CTNNBL1: variants seen among roughly 807,000 people sequenced by gnomAD.
CTNNBL1 encodes beta-catenin-like protein 1.
In CTNNBL1, 31 loss-of-function variants were observed where a neutral mutation model predicts 72.7. That is an observed-to-expected ratio of 0.43 (90% CI 0.32 to 0.58). The LOEUF is 0.58. Ranked by LOEUF, CTNNBL1 falls within the 20% of genes least tolerant of loss-of-function variation. The pLI is 0.08. For synonymous variants in CTNNBL1, 240 were observed against 267.3 expected (o/e 0.90, Z 1.00); for missense variants, 534 against 725.1 (o/e 0.74, Z 3.03).
chr20:37,737,114 C>G (rs933669440), intron 2 of CTNNBL1, among the ~76,000 whole-genome samples: 3 of 152,104 alleles, frequency 2.0e-5, no homozygotes, highest in Admixed American at 6.5e-5. Context: ...GTCCCAGCTA[C>G]TCGGTAAGCT....
chr20:37,724,878 G>T (rs2073069706), intron 1 of CTNNBL1, among the ~76,000 whole-genome samples: 1 of 151,238 alleles, frequency 6.6e-6, no homozygotes, highest in Admixed American at 6.6e-5. Flanking sequence ...ACCAAAAAAT[G>T]GAAGTCCGAG....
At chr20:37,773,073 A>AT (rs2073539707) in intron 7 of CTNNBL1, among the ~76,000 whole-genome samples, 1 of 152,246 alleles carries the variant, frequency 6.6e-6, no homozygotes, top group Admixed American at 6.5e-5. Context: ...TATTGAAAAT[A>AT]ACAGCAAAAC....
intron 10 of CTNNBL1, among the ~76,000 whole-genome samples, chr20:37,791,641 A>C (rs2073726800): frequency 6.6e-6 from 1 of 152,210 alleles, no homozygotes; most frequent in Non-Finnish European, 1.5e-5. Flanking sequence ...TGCACAGCAG[A>C]AGGTGAGCGG....
chr20:37,704,061 G>A (rs1263086608), intron 1 of CTNNBL1, among the ~76,000 whole-genome samples: 1 of 152,198 alleles, frequency 6.6e-6, no homozygotes, highest in East Asian at 1.9e-4. Context: ...ACAGGCATGA[G>A]CCACCGTGCC....
At chr20:37,745,163 A>C (rs1331493032) in intron 3 of CTNNBL1, among the ~76,000 whole-genome samples, 1 of 152,220 alleles carries the variant, frequency 6.6e-6, no homozygotes, top group African/African-American at 2.4e-5. Context: ...CAGTAATAGA[A>C]ATTGTCTAAA....
In CTNNBL1 at chr20:37,842,426, AT is replaced by A. The variant is rs973876081; in HGVS notation, c.1392+8del. Reference sequence around the variant, plus strand: ...GATTGAAGGGGAAAAACACGTATGTATCCCTGCCTCACTTTTGCCAGCTATT... The same window carrying A: ...GATTGAAGGGGAAAAACACGTATGTACCCTGCCTCACTTTTGCCAGCTATT... On this transcript the variant is annotated splice_region_variant and intron_variant, in intron 13 of 15. Transcript: ENST00000361383. 7.5e-6 allele frequency: 12 copies of A among 1,607,742 alleles called. No individual in the cohort carries two copies. The highest frequency in any genetic ancestry group is 1.7e-4 in the Middle Eastern group (1 of 6,036).
chr20:37,749,237 A>G (rs1440145310), intron 4 of CTNNBL1, among the ~76,000 whole-genome samples: 2 of 152,204 alleles, frequency 1.3e-5, no homozygotes, highest in South Asian at 2.1e-4. Context: ...GTATATTATT[A>G]GTACAGAAAT....
intron 3 of CTNNBL1, among the ~76,000 whole-genome samples, chr20:37,740,945 T>TC (rs1397568044): frequency 6.6e-6 from 1 of 152,240 alleles, no homozygotes; most frequent in Non-Finnish European, 1.5e-5. Context: ...AGCATCATGT[T>TC]CCCCCAGCAG....
chr20:37,810,474 C>G (rs1326887353), intron 11 of CTNNBL1, among the ~76,000 whole-genome samples: 2 of 152,168 alleles, frequency 1.3e-5, no homozygotes, highest in Non-Finnish European at 2.9e-5. Context: ...CTCTCAACAC[C>G]ATAACATTGT....
chr20:37,812,219 G>A (rs892938917), intron 11 of CTNNBL1, among the ~76,000 whole-genome samples: 6 of 152,186 alleles, frequency 3.9e-5, no homozygotes, highest in African/African-American at 1.4e-4. Context: ...GATCATGAGT[G>A]TCTGACGTAG....
chr20:37,837,181 G>A (rs149520960), intron 11 of CTNNBL1, among the ~76,000 whole-genome samples: 14 of 152,206 alleles, frequency 9.2e-5, no homozygotes, highest in Middle Eastern at 3.4e-3. Context: ...CTTCACAGAC[G>A]TTCCTTTCTT....
At position 37,741,849 on chromosome 20, in the gene CTNNBL1, C is replaced by T. The variant is rs1348615250; in HGVS notation, c.326+4365C>T. Among the ~76,000 whole-genome samples, 6 of 152,164 alleles carry T rather than the reference C, an allele frequency of 3.9e-5. No individual in the cohort carries two copies. In the South Asian group the frequency reaches 1.0e-3, roughly 26 times the overall value. ...ATTTCCCTGCTTGCAGTTTTATTCT[C>T]TGCTTGTTTGTTTTATTTTGATAAT... On this transcript the variant is annotated intron_variant, in intron 3 of 15. Coordinates refer to ENST00000361383, the MANE Select transcript of CTNNBL1 (RefSeq NM_030877.5).
intron 10 of CTNNBL1, among the ~76,000 whole-genome samples, chr20:37,783,505 G>A (rs238305): frequency 0.69 from 105,566 of 151,982 alleles, 36,731 homozygotes; most frequent in East Asian, 0.84. Flanking sequence ...TTATTGCTAT[G>A]AACTTTCCTC....
chr20:37,743,744 G>A (rs1186828109), intron 3 of CTNNBL1, among the ~76,000 whole-genome samples: 4 of 152,114 alleles, frequency 2.6e-5, no homozygotes, highest in African/African-American at 7.2e-5. Context: ...ATAGATTATA[G>A]TATTGGAGCA....
rs765366884 is a variant in CTNNBL1, at chr20:37,767,967, A to G, written c.673A>G (p.Met225Val). ...VHNTLAIVEN[M>V]AEFRPEMCTE... is the part of the protein sequence containing the mutation. ...TCTCCCTTCAGCTATTGTGGAAAAC[A>G]TGGCTGAGTTCCGGCCTGAGATGTG... Residue 225 changes from methionine to valine, a missense_variant, in exon 7 of 16, where the codon ATG becomes GTG. Met to Val is a conservative substitution (Grantham distance 21). Coordinates refer to ENST00000361383, the MANE Select transcript of CTNNBL1 (RefSeq NM_030877.5). The G allele has an allele frequency of 3.1e-6, 5 of 1,614,028 alleles. No individual in the cohort carries two copies. The highest frequency in any genetic ancestry group is 2.2e-5 in the East Asian group (1 of 44,876).
chr20:37,722,704 A>G (rs1453950624), intron 1 of CTNNBL1, among the ~76,000 whole-genome samples: 2 of 152,206 alleles, frequency 1.3e-5, no homozygotes, highest in African/African-American at 4.8e-5. Context: ...TAATAAATGC[A>G]GCATTGATAA....
At chr20:37,764,711 A>G (rs1182991046) in intron 5 of CTNNBL1, among the ~76,000 whole-genome samples, 1 of 152,240 alleles carries the variant, frequency 6.6e-6, no homozygotes, top group Admixed American at 6.5e-5. Context: ...TTAGCAAGGA[A>G]ACAGGAATGT....
chr20:37,698,128 A>G (rs1018460221), intron 1 of CTNNBL1, among the ~76,000 whole-genome samples: 3 of 152,168 alleles, frequency 2.0e-5, no homozygotes, highest in Admixed American at 6.5e-5. Context: ...TCAATCTAAG[A>G]GTTTTAAAAT....
In CTNNBL1 at chr20:37,860,141, T is replaced by C; in HGVS notation, c.1530+105T>C. The C allele has an allele frequency of 2.0e-6, 3 of 1,503,890 alleles. No homozygotes were observed. The South Asian group carries it at 3.5e-5, about 17-fold the overall frequency. 93.2% of individuals were successfully genotyped at this position (1,503,890 alleles called of 1,614,324 possible). A position where few individuals can be genotyped will look rare whatever the true frequency, so the allele number is the denominator to read the frequency against. The stretch of plus-strand genomic sequence containing the variant: ...GGAAAGAAGGGGGTCACGCTCTCCT[T>C]GAATTCCTTTACTCTACATCAGCCT... On this transcript the variant is annotated intron_variant, in intron 14 of 15. Coordinates refer to ENST00000361383, the MANE Select transcript of CTNNBL1 (RefSeq NM_030877.5).
Sources: allele counts gnomAD v4.1 joint callset (sites outside exome capture counted in the v4.1 genomes callset), GRCh38; gene constraint gnomAD v4.1.1; transcripts MANE v1.5; gene names NCBI Gene and HGNC (gene_info 2026-07-23, HGNC 2026-07-21).